The following YBEY variants were observed in gnomAD, a reference collection of about 807,000 sequenced individuals.
YBEY encodes ybeY metalloendoribonuclease.
YBEY carries 15 observed loss-of-function variants against 13.5 expected under a neutral mutation model. The ratio of observed to expected loss-of-function variants is 1.11; its 90% CI spans 0.75 to 1.72. The LOEUF (loss-of-function observed/expected upper bound fraction) is 1.72, where lower values mean the gene tolerates loss of function less well. Ranked by LOEUF, YBEY falls within the 40% of genes most tolerant of loss-of-function variation. YBEY has a pLI of 0.00. For missense variants in YBEY, 244 were observed against 208.4 expected (o/e 1.17, Z -1.05); for synonymous variants, 101 against 83.1 (o/e 1.21, Z -1.17).
the YBEY span, among the ~76,000 whole-genome samples, chr21:46,307,759 G>A: frequency 1.3e-5 from 2 of 152,134 alleles, no homozygotes; most frequent in African/African-American, 4.8e-5. Flanking sequence ...TTTGAGGACA[G>A]CTGTCAGGTG....
intron 2 of YBEY, among the ~76,000 whole-genome samples, chr21:46,287,757 G>A (rs966668874): frequency 6.6e-6 from 1 of 152,036 alleles, no homozygotes; most frequent in African/African-American, 2.4e-5. Flanking sequence ...TTGGGAGCCC[G>A]AGGCGGGTGG....
the YBEY span, among the ~76,000 whole-genome samples, chr21:46,303,919 T>TTTTG: frequency 1.0e-4 from 15 of 143,374 alleles, no homozygotes; most frequent in East Asian, 4.1e-4. Flanking sequence ...GCCCGGCTAA[T>TTTTG]TTTTTGTATT....
At chr21:46,312,557 G>C in the YBEY span, among the ~76,000 whole-genome samples, 1 of 151,688 alleles carries the variant, frequency 6.6e-6, no homozygotes, top group East Asian at 2.0e-4. Context: ...GACCTCAGGA[G>C]AGCCACCCAT....
intron 3 of YBEY, chr21:46,291,811 T>C: frequency 9.3e-7 from 1 of 1,077,344 alleles, no homozygotes; most frequent in Non-Finnish European, 1.1e-6. Flanking sequence ...TCCACCACCT[T>C]CCAGATCTGT....
chr21:46,302,489 AGGGCTGG>A (rs2082152516), downstream of YBEY: 2 of 1,607,298 alleles, frequency 1.2e-6, no homozygotes, highest in Non-Finnish European at 1.7e-6. Flanking sequence ...GCCTACCTGC[AGGGCTGG>A]GGGCAGGGCC....
chr21:46,296,637 C>A (rs762220861), intron 4 of YBEY, among the ~76,000 whole-genome samples: 2 of 152,152 alleles, frequency 1.3e-5, no homozygotes, highest in Non-Finnish European at 2.9e-5. Context: ...TTAACACGCA[C>A]GCAAGCCCGT....
At chr21:46,300,644 C>T (rs1003635751), downstream of YBEY, 5 of 1,242,084 alleles carry the variant, frequency 4.0e-6, no homozygotes, top group Non-Finnish European at 4.1e-6. Context: ...CCTGCCCGTC[C>T]ATGTCAGCAC....
At chr21:46,300,920 A>C, downstream of YBEY, 1 of 851,204 alleles carries the variant, frequency 1.2e-6, no homozygotes, top group Non-Finnish European at 1.6e-6. Context: ...GAAATAGTCA[A>C]GGTAGCCTGT....
intron 2 of YBEY, among the ~76,000 whole-genome samples, chr21:46,289,290 C>T (rs1277083698): frequency 6.6e-6 from 1 of 152,018 alleles, no homozygotes; most frequent in Non-Finnish European, 1.5e-5. Context: ...AAATGAAAAG[C>T]CATTTGACAA....
chr21:46,301,163 A>G, downstream of YBEY: 1 of 799,094 alleles, frequency 1.3e-6, no homozygotes, highest in South Asian at 5.3e-5. Flanking sequence ...TATTTTTGAG[A>G]CAGGGGCCTG....
intron 3 of YBEY, among the ~76,000 whole-genome samples, chr21:46,294,441 T>C (rs1403021991): frequency 1.4e-5 from 1 of 70,274 alleles, no homozygotes; most frequent in Non-Finnish European, 3.0e-5. Context: ...CTCCCGCGGT[T>C]AGCCTGACCC....
chr21:46,301,046 C>A, downstream of YBEY: 1 of 1,021,664 alleles, frequency 9.8e-7, no homozygotes. Context: ...TGCAAACCAG[C>A]ATGTAGAGAT....
chr21:46,298,113 A>G (rs905350665), downstream of YBEY, among the ~76,000 whole-genome samples: 1 of 152,238 alleles, frequency 6.6e-6, no homozygotes, highest in African/African-American at 2.4e-5. Context: ...GGCCACGGAC[A>G]CCGCTCTAGC....
the YBEY span, chr21:46,313,051 A>G: frequency 1.1e-5 from 11 of 985,452 alleles, no homozygotes; most frequent in Non-Finnish European, 1.3e-5. Flanking sequence ...GTTCACAGAA[A>G]GGACGGCAGA....
chr21:46,311,605 C>G, the YBEY span: 46 of 1,329,766 alleles, frequency 3.5e-5, no homozygotes, highest in African/African-American at 6.5e-4. Flanking sequence ...TGCATATGTC[C>G]TTGAAGAAAG....
chr21:46,304,020 G>GT, the YBEY span, among the ~76,000 whole-genome samples: 728 of 44,526 alleles, frequency 0.016, 8 homozygotes, highest in African/African-American at 0.029. Context: ...CAAAGTGCTG[G>GT]TTTTTTTTTT....
the YBEY span, among the ~76,000 whole-genome samples, chr21:46,303,125 C>T: frequency 6.6e-6 from 1 of 151,936 alleles, no homozygotes; most frequent in African/African-American, 2.4e-5. Context: ...GATCGTGCCA[C>T]TGTACTCCAG....
At chr21:46,297,990 CTT>C (rs35373158), downstream of YBEY, among the ~76,000 whole-genome samples, 1 of 152,104 alleles carries the variant, frequency 6.6e-6, no homozygotes, top group African/African-American at 2.4e-5. Flanking sequence ...GTATTTCCTG[CTT>C]TTACCTCCTG....
intron 2 of YBEY, among the ~76,000 whole-genome samples, chr21:46,289,354 A>G (rs1028855867): frequency 3.9e-5 from 6 of 152,134 alleles, no homozygotes; most frequent in Non-Finnish European, 8.8e-5. Flanking sequence ...TTTATTTGGG[A>G]TAGAGCATTG....
Sources: gnomAD v4.1 joint callset for allele counts (sites outside exome capture counted in the v4.1 genomes callset) on GRCh38, gnomAD v4.1.1 for gene constraint, MANE v1.5 for transcripts, NCBI Gene and HGNC (gene_info 2026-07-23, HGNC 2026-07-21) for gene names.